Variants in CIT observed in about 807,000 individuals in gnomAD.
CIT encodes citron Rho-interacting kinase.
CIT carries 79 observed loss-of-function variants against 272.7 expected under a neutral mutation model. That is an observed-to-expected ratio of 0.29 (90% CI 0.24 to 0.35). CIT has a LOEUF of 0.35. Among genes scored for constraint, CIT ranks in the 10% least tolerant of loss-of-function variants. CIT has a pLI of 1.00. For synonymous variants in CIT, 948 were observed against 995.6 expected (o/e 0.95, Z 0.90); for missense variants, 1,909 against 2,618.3 (o/e 0.73, Z 5.91).
intron 22 of CIT, among the ~76,000 whole-genome samples, chr12:119,755,140 C>T (rs558344755): frequency 3.9e-5 from 6 of 152,230 alleles, no homozygotes; most frequent in Admixed American, 6.5e-5. Flanking sequence ...TAAAGCCAGA[C>T]GTCCTCCTTC....
chr12:119,733,869 T>G, intron 26 of CIT, among the ~76,000 whole-genome samples: 1 of 152,102 alleles, frequency 6.6e-6, no homozygotes, highest in East Asian at 1.9e-4. Flanking sequence ...AGAAACCTCA[T>G]GAGAGTTTTC....
chr12:119,788,269 A>G (rs405300), intron 10 of CIT, among the ~76,000 whole-genome samples: 68,434 of 152,058 alleles, frequency 0.45, 15,859 homozygotes, highest in Admixed American at 0.56. Context: ...CTTTTCATAT[A>G]AGATGAAATG....
chr12:119,848,252 G>A (rs1011850244), intron 5 of CIT, among the ~76,000 whole-genome samples: 1 of 152,134 alleles, frequency 6.6e-6, no homozygotes, highest in Non-Finnish European at 1.5e-5. Context: ...CAGGCACTGG[G>A]TTCTCAACTA....
At chr12:119,794,667 G>A (rs59794325) in intron 10 of CIT, among the ~76,000 whole-genome samples, 8,202 of 152,234 alleles carry the variant, frequency 0.054, 684 homozygotes, top group African/African-American at 0.19. Flanking sequence ...AAAATTAGAT[G>A]GAGATATTAG....
chr12:119,844,977 G>T (rs1313070620), intron 5 of CIT, among the ~76,000 whole-genome samples: 1 of 151,950 alleles, frequency 6.6e-6, no homozygotes, highest in South Asian at 2.1e-4. Context: ...AAAATTAAAC[G>T]AACATGGTGG....
rs1968738718 is a variant in CIT, at chr12:119,832,815, G to T, written c.709C>A (p.Leu237Met). The part of the protein sequence containing the change: ...ILVDRTGHIK[L>M]VDFGSAAKMN... ...TTCGCGGCAGATCCAAAATCCACCA[G>T]CTTGATGTGTCCTGTGCGGTCAACG... is the stretch of plus-strand genomic sequence containing the variant. Residue 237 changes from leucine to methionine, a missense_variant, in exon 7 of 48, where the codon CTG (leucine) becomes ATG (methionine). This residue lies in a region of CIT where 529 missense variants were observed against 549.6 expected (regional missense o/e 0.96). Transcript: ENST00000392521. 1 of 1,614,070 alleles carries T rather than the reference G, an allele frequency of 6.2e-7. No individual in the cohort carries two copies. The highest frequency in any genetic ancestry group is 8.5e-7 in the Non-Finnish European group (1 of 1,179,948).
chr12:119,697,643 A>G lies in CIT; in HGVS notation c.5882+16T>C. ...CACGTTGCCCCTGGTACTGAGGAAG[A>G]GGAGAAGCTGGTTACCTGCGGGAGG... On this transcript the variant is annotated intron_variant, in intron 46 of 47. Transcript: ENST00000392521. The surrounding 1 kb of genome is among the most constrained non-coding windows in gnomAD (Gnocchi z 4.9). 6.2e-7 allele frequency: 1 copy of G among 1,612,002 alleles called. No individual in the cohort carries two copies. The highest frequency in any genetic ancestry group is 8.5e-7 in the Non-Finnish European group (1 of 1,178,984).
Position 119,718,970 on chromosome 12 carries a change from C to T in CIT, c.3841-109G>A. ...AAACCACAAAAGCCAGGAGCATACT[C>T]ACTGTAAGTGTATTTAGTAAAAATG... On this transcript the variant is annotated intron_variant, in intron 30 of 47. Coordinates refer to ENST00000392521, the MANE Select transcript of CIT (RefSeq NM_001206999.2). The surrounding 1 kb of genome is among the most constrained non-coding windows in gnomAD (Gnocchi z 4.8). 9.4e-7 allele frequency: 1 copy of T among 1,066,018 alleles called. No homozygotes were observed. 66.0% of individuals were successfully genotyped at this position (1,066,018 alleles called of 1,614,324 possible). A position where few individuals can be genotyped will look rare whatever the true frequency, so the allele number is the denominator to read the frequency against.
At chr12:119,692,693 G>A (rs1378452283) in intron 46 of CIT, among the ~76,000 whole-genome samples, 1 of 152,214 alleles carries the variant, frequency 6.6e-6, no homozygotes, top group Non-Finnish European at 1.5e-5. Context: ...CTAAACCTGT[G>A]CAGAAAAAGT....
intron 22 of CIT, among the ~76,000 whole-genome samples, chr12:119,756,965 C>T (rs1186913434): frequency 2.0e-5 from 3 of 152,048 alleles, no homozygotes; most frequent in South Asian, 4.2e-4. Context: ...CCTGTCTCTA[C>T]AAAAATTGGC....
chr12:119,767,704 G>C (rs902271192), intron 18 of CIT, among the ~76,000 whole-genome samples: 17 of 152,258 alleles, frequency 1.1e-4, no homozygotes, highest in African/African-American at 4.1e-4. Context: ...TAACTGACTG[G>C]TAAGTGGCAT....
At chr12:119,795,764 A>G (rs1965682267) in intron 10 of CIT, among the ~76,000 whole-genome samples, 1 of 152,216 alleles carries the variant, frequency 6.6e-6, no homozygotes, top group Admixed American at 6.5e-5. Context: ...ATCTTCCTGA[A>G]TCAGTGTCTT....
chr12:119,874,632 G>A (rs1016998772), intron 2 of CIT, among the ~76,000 whole-genome samples: 14 of 152,160 alleles, frequency 9.2e-5, no homozygotes, highest in Non-Finnish European at 1.9e-4. Flanking sequence ...TGAGAGGAAT[G>A]AGGGTTAAAC....
intron 10 of CIT, among the ~76,000 whole-genome samples, chr12:119,791,904 C>T (rs1048359194): frequency 3.9e-5 from 6 of 152,162 alleles, no homozygotes; most frequent in Non-Finnish European, 2.9e-5. Context: ...GACATGTTTT[C>T]TTAAAATGTA....
rs145760362 is a variant in CIT at position 119,792,677 on chromosome 12, G to A, written c.1296-7612C>T. On this transcript the variant is annotated intron_variant, in intron 10 of 47. Transcript: ENST00000392521. ...AGTAGAGATGGGGTTTCACCACCCC[G>A]TTGGCAAGGATGGTCTCGGTCTCCC... Among the ~76,000 whole-genome samples, 723 of 152,226 alleles carry A rather than the reference G, an allele frequency of 4.7e-3. 5 individuals carry two copies. The highest frequency in any genetic ancestry group is 0.016 in the African/African-American group (685 of 41,534).
intron 20 of CIT, among the ~76,000 whole-genome samples, chr12:119,759,685 T>G (rs551110751): frequency 6.6e-6 from 1 of 152,160 alleles, no homozygotes; most frequent in East Asian, 1.9e-4. Flanking sequence ...AATGCCTTAA[T>G]GCCTGATAGT....
Position 119,735,249 on chromosome 12 carries a change from T to C in CIT, c.3067A>G (p.Asn1023Asp). The change falls in exon 25 of 48, where the codon AAC (asparagine) becomes GAC (aspartate). Residue 1023 changes from asparagine (N) to aspartate (D), a missense_variant. Coordinates refer to ENST00000392521, the MANE Select transcript of CIT (RefSeq NM_001206999.2). ...CTTCGCAGTTGTACAATCTCGTCGT[T>C]GGCGCCAGAAGCCTCATCGAGTTGT... ...SKQLDEASGANDEIVQLRSEV... is the reference protein window; with the variant it reads ...SKQLDEASGADDEIVQLRSEV... 6.2e-7 allele frequency: 1 copy of C among 1,614,188 alleles called. No homozygotes were observed. The highest frequency in any genetic ancestry group is 8.5e-7 in the Non-Finnish European group (1 of 1,180,032).
At chr12:119,717,681 A>G (rs1053219307) in intron 32 of CIT, among the ~76,000 whole-genome samples, 4 of 151,680 alleles carry the variant, frequency 2.6e-5, no homozygotes, top group African/African-American at 9.7e-5. Context: ...TCAGCATCCC[A>G]AAGTGCTGGG....
In CIT at chr12:119,849,788, C is replaced by T. The variant is rs183838794; in HGVS notation, c.516+386G>A. On this transcript the variant is annotated intron_variant, in intron 5 of 47. Coordinates refer to ENST00000392521, the MANE Select transcript of CIT (RefSeq NM_001206999.2). ...GCAAGCTCCGCTTCCCAGGTTCAAG[C>T]GATTGTCCTGCCTTAGCCACCTGAG... is the stretch of plus-strand genomic sequence containing the variant. 1.5e-3 allele frequency among the ~76,000 whole-genome samples: 234 copies of T among 151,740 alleles called. 5 individuals carry two copies. Among genetic ancestry groups the T allele is most frequent in the Admixed American group, 0.014 (207 of 15,208 alleles).
Sources: gnomAD v4.1 joint callset for allele counts (sites outside exome capture counted in the v4.1 genomes callset) on GRCh38, gnomAD v4.1.1 for gene constraint, gnomAD v4.1.1 regional missense constraint, Gnocchi (gnomAD v3.1) non-coding constraint, MANE v1.5 for transcripts, NCBI Gene and HGNC (gene_info 2026-07-23, HGNC 2026-07-21) for gene names.